SNTB1: variants seen among roughly 807,000 people sequenced by gnomAD.
The protein encoded by SNTB1 is beta-1-syntrophin.
In SNTB1, 36 loss-of-function variants were observed where a neutral mutation model predicts 48.9. The ratio of observed to expected loss-of-function variants is 0.74; its 90% CI spans 0.56 to 0.97. SNTB1 has a LOEUF of 0.97. SNTB1 is among the 50% of genes least tolerant of loss of function. The pLI is 0.00. For synonymous variants in SNTB1, 299 were observed against 294.6 expected (o/e 1.01, Z -0.15); for missense variants, 786 against 703.4 (o/e 1.12, Z -1.33).
chr8:120,548,896 G>T lies in SNTB1; in HGVS notation c.1199C>A (p.Thr400Lys), dbSNP rs199549031. The change falls in exon 5 of 7, where the codon ACG becomes AAG. Residue 400 changes from threonine (T) to lysine (K), a missense_variant. Physicochemically the swap from Thr to Lys is moderately conservative, Grantham distance 78. Coordinates refer to ENST00000517992, the MANE Select transcript of SNTB1 (RefSeq NM_021021.4). ...PQAGVDLSFA[T>K]RTGTRQGIET... is the part of the protein sequence containing the mutation. Reference sequence around the variant, plus strand: ...AATCCCTTGCCTGGTACCAGTTCGCGTTGCAAAGGACAGATCCACACCAGC... The same window carrying T: ...AATCCCTTGCCTGGTACCAGTTCGCTTTGCAAAGGACAGATCCACACCAGC... The T allele has an allele frequency of 2.5e-6, 4 of 1,612,490 alleles. No individual in the cohort carries two copies. In the African/African-American group the frequency reaches 5.3e-5, roughly 22 times the overall value.
At chr8:120,809,153 G>T (rs999676158) in intron 1 of SNTB1, among the ~76,000 whole-genome samples, 3 of 152,160 alleles carry the variant, frequency 2.0e-5, no homozygotes. Flanking sequence ...TTGACTTGAT[G>T]GTATTTGATG....
chr8:120,542,783 A>G (rs888648666), intron 5 of SNTB1, among the ~76,000 whole-genome samples: 1 of 151,994 alleles, frequency 6.6e-6, no homozygotes, highest in African/African-American at 2.4e-5. Flanking sequence ...GCATACACCC[A>G]TGACATCAAA....
chr8:120,563,363 A>T (rs79472937), intron 4 of SNTB1, among the ~76,000 whole-genome samples: 4,396 of 152,122 alleles, frequency 0.029, 200 homozygotes, highest in African/African-American at 0.1. Flanking sequence ...AAGGACTCAT[A>T]AAAAGCTGAG....
intron 1 of SNTB1, among the ~76,000 whole-genome samples, chr8:120,700,596 C>A (rs79594346): frequency 0.098 from 14,971 of 152,212 alleles, 735 homozygotes; most frequent in African/African-American, 0.12. Flanking sequence ...GGAGAGGAGT[C>A]AGAGGTGCTC....
intron 3 of SNTB1, among the ~76,000 whole-genome samples, chr8:120,608,465 T>C (rs1306376125): frequency 6.6e-6 from 1 of 152,000 alleles, no homozygotes; most frequent in Admixed American, 6.6e-5. Flanking sequence ...GAAGGAAAGA[T>C]TAGGGCACAG....
chr8:120,728,717 C>T lies in SNTB1; in HGVS notation c.572-34809G>A, dbSNP rs142399388. Reference sequence around the variant, plus strand: ...AGTATTCCATGATGTATATGTACCACATTTTCTTTATCCTGTCCACCGTTC... The same window carrying T: ...AGTATTCCATGATGTATATGTACCATATTTTCTTTATCCTGTCCACCGTTC... On this transcript the variant is annotated intron_variant, in intron 1 of 6. Coordinates refer to ENST00000517992, the MANE Select transcript of SNTB1 (RefSeq NM_021021.4). Among the ~76,000 whole-genome samples, 25 of 152,304 alleles carry T rather than the reference C, an allele frequency of 1.6e-4. 1 individual carries two copies. In the East Asian group the frequency reaches 4.8e-3, roughly 29 times the overall value.
intron 4 of SNTB1, among the ~76,000 whole-genome samples, chr8:120,571,904 A>G (rs567101871): frequency 6.6e-6 from 1 of 152,174 alleles, no homozygotes; most frequent in African/African-American, 2.4e-5. Flanking sequence ...TTTAAATTTT[A>G]TTTTTTAAAG....
At chr8:120,600,620 G>A (rs1410941628) in intron 3 of SNTB1, among the ~76,000 whole-genome samples, 1 of 152,090 alleles carries the variant, frequency 6.6e-6, no homozygotes, top group Admixed American at 6.6e-5. Flanking sequence ...TTCCTTACTT[G>A]TCTTTTATTC....
At chr8:120,651,810 G>C (rs951044723) in intron 2 of SNTB1, among the ~76,000 whole-genome samples, 1 of 152,144 alleles carries the variant, frequency 6.6e-6, no homozygotes, top group Non-Finnish European at 1.5e-5. Flanking sequence ...CTGGGTGGTT[G>C]AAGTCATTAA....
At chr8:120,736,146 A>G (rs1468502005) in intron 1 of SNTB1, among the ~76,000 whole-genome samples, 1 of 152,152 alleles carries the variant, frequency 6.6e-6, no homozygotes, top group African/African-American at 2.4e-5. Context: ...AACCTCTTAT[A>G]AAAACCATCA....
chr8:120,663,493 G>A (rs1817625404), intron 2 of SNTB1, among the ~76,000 whole-genome samples: 1 of 152,162 alleles, frequency 6.6e-6, no homozygotes, highest in Admixed American at 6.5e-5. Context: ...TTTTAGTAGG[G>A]ATGGGGTTTC....
intron 1 of SNTB1, among the ~76,000 whole-genome samples, chr8:120,762,005 AT>A (rs1435500097): frequency 6.6e-6 from 1 of 151,804 alleles, no homozygotes; most frequent in East Asian, 1.9e-4. Context: ...TTTACCAAAA[AT>A]GTCTCTGATA....
intron 3 of SNTB1, among the ~76,000 whole-genome samples, chr8:120,618,569 T>C (rs1816749996): frequency 6.6e-6 from 1 of 152,220 alleles, no homozygotes; most frequent in Non-Finnish European, 1.5e-5. Context: ...TTATAGGTGC[T>C]GAATAGTGTT....
intron 1 of SNTB1, among the ~76,000 whole-genome samples, chr8:120,735,635 G>A (rs73710008): frequency 0.059 from 9,055 of 152,278 alleles, 826 homozygotes; most frequent in East Asian, 0.44. Context: ...GAAGGCAGCC[G>A]TCTGCAGCCA....
At chr8:120,641,025 G>T (rs1322016669) in intron 2 of SNTB1, among the ~76,000 whole-genome samples, 2 of 151,968 alleles carry the variant, frequency 1.3e-5, no homozygotes, top group Non-Finnish European at 2.9e-5. Context: ...TTGGTTGGTA[G>T]GCCCAATAGC....
chr8:120,652,926 A>G (rs1817432442), intron 2 of SNTB1, among the ~76,000 whole-genome samples: 1 of 152,222 alleles, frequency 6.6e-6, no homozygotes, highest in Non-Finnish European at 1.5e-5. Flanking sequence ...GAGTCAAGGC[A>G]TGCATATTGA....
At chr8:120,650,465 T>C (rs1165604300) in intron 2 of SNTB1, among the ~76,000 whole-genome samples, 1 of 152,024 alleles carries the variant, frequency 6.6e-6, no homozygotes, top group Non-Finnish European at 1.5e-5. Context: ...ACCTTCCCCC[T>C]TTTTTTCCCT....
chr8:120,598,416 A>G (rs1223969505), intron 3 of SNTB1, among the ~76,000 whole-genome samples: 1 of 152,208 alleles, frequency 6.6e-6, no homozygotes, highest in Non-Finnish European at 1.5e-5. Context: ...GACTTTCTCC[A>G]AACAACCTTC....
chr8:120,570,367 T>A (rs1233259272), intron 4 of SNTB1: 1 of 152,248 alleles, frequency 6.6e-6, no homozygotes, highest in Non-Finnish European at 1.5e-5. Flanking sequence ...ATCACATCCA[T>A]GACTCTTATC....
Sources: allele counts gnomAD v4.1 joint callset (sites outside exome capture counted in the v4.1 genomes callset), GRCh38; gene constraint gnomAD v4.1.1; transcripts MANE v1.5; gene names NCBI Gene and HGNC (gene_info 2026-07-23, HGNC 2026-07-21).